The following CDKAL1 variants were observed in gnomAD, a reference collection of about 807,000 sequenced individuals.
The protein encoded by CDKAL1 is threonylcarbamoyladenosine tRNA methylthiotransferase.
CDKAL1 carries 32 observed loss-of-function variants against 68.2 expected under a neutral mutation model. The observed-to-expected ratio is 0.47, with a 90% CI of 0.35 to 0.63. The LOEUF (loss-of-function observed/expected upper bound fraction) is 0.63. Among genes scored for constraint, CDKAL1 ranks in the 30% least tolerant of loss-of-function variants. CDKAL1 has a pLI of 0.00. For missense variants in CDKAL1, 606 were observed against 696.7 expected, an observed-to-expected ratio of 0.87 and a Z score of 1.47; for synonymous variants, 234 against 244.3, an observed-to-expected ratio of 0.96 and a Z score of 0.39.
In CDKAL1 at chr6:20,785,388, T is replaced by C. The variant is rs576961084; in HGVS notation, c.638+4123T>C. Among the ~76,000 whole-genome samples the C allele has an allele frequency of 5.3e-4, 79 of 150,102 alleles. No homozygotes were observed. The Middle Eastern group carries it at 0.01, about 20-fold the overall frequency. ...TGGAGTGCAGTGGCACGATCTTGGC[T>C]CACTGCAACCTCCGCCTCCTGGGTT... On this transcript the variant is annotated intron_variant, in intron 8 of 15. Coordinates refer to ENST00000274695, the MANE Select transcript of CDKAL1 (RefSeq NM_017774.3).
At chr6:20,990,480 C>T (rs1766734928) in intron 10 of CDKAL1, among the ~76,000 whole-genome samples, 1 of 152,304 alleles carries the variant, frequency 6.6e-6, no homozygotes, top group East Asian at 1.9e-4. Context: ...TTGTCTCAAC[C>T]TGTTTTAGCA....
intron 11 of CDKAL1, among the ~76,000 whole-genome samples, chr6:21,001,096 C>G (rs1767403539): frequency 6.6e-6 from 1 of 152,228 alleles, no homozygotes; most frequent in South Asian, 2.1e-4. Flanking sequence ...ACAGAGCCTT[C>G]TCAAGTCTAC....
At chr6:21,055,925 T>C (rs1172975868) in intron 11 of CDKAL1, among the ~76,000 whole-genome samples, 1 of 152,220 alleles carries the variant, frequency 6.6e-6, no homozygotes, top group Non-Finnish European at 1.5e-5. Flanking sequence ...TTTCTGGTCC[T>C]AGGTCTTTGA....
intron 13 of CDKAL1, among the ~76,000 whole-genome samples, chr6:21,151,559 C>T (rs1188402187): frequency 6.6e-6 from 1 of 152,000 alleles, no homozygotes; most frequent in Admixed American, 6.6e-5. Context: ...AATATGAAAG[C>T]CAGAAAATGA....
At position 20,846,092 on chromosome 6, in the gene CDKAL1, C is replaced by T. The variant is rs1778365502; in HGVS notation, c.656C>T (p.Thr219Ile). ...SINTGCLNACTYCKTKHARGN... is the reference protein window; with the variant it reads ...SINTGCLNACIYCKTKHARGN... ...TTGAACAGGTGTCTCAATGCTTGTA[C>T]CTACTGCAAAACTAAACACGCCAGA... Residue 219 changes from threonine to isoleucine, a missense_variant, in exon 9 of 16, where the codon ACC (threonine) becomes ATC (isoleucine). Coordinates refer to ENST00000274695, the MANE Select transcript of CDKAL1 (RefSeq NM_017774.3). 2 of 1,611,766 alleles carry T rather than the reference C, an allele frequency of 1.2e-6. No homozygotes were observed. The highest frequency in any genetic ancestry group is 2.2e-5 in the South Asian group (2 of 90,920).
intron 15 of CDKAL1, among the ~76,000 whole-genome samples, chr6:21,209,539 G>A (rs1012088149): frequency 6.6e-6 from 1 of 152,178 alleles, no homozygotes; most frequent in South Asian, 2.1e-4. Flanking sequence ...TGGTAATACT[G>A]CTAATCAATT....
chr6:20,606,560 G>A (rs1278615441), intron 4 of CDKAL1, among the ~76,000 whole-genome samples: 3 of 152,174 alleles, frequency 2.0e-5, no homozygotes, highest in Non-Finnish European at 4.4e-5. Context: ...GGTGAGAAAA[G>A]TGAAGAATCA....
At chr6:20,709,388 G>A (rs1256250318) in intron 5 of CDKAL1, among the ~76,000 whole-genome samples, 1 of 151,928 alleles carries the variant, frequency 6.6e-6, no homozygotes, top group Non-Finnish European at 1.5e-5. Flanking sequence ...GAGCACCAAT[G>A]TGATGCTCAA....
In CDKAL1 at chr6:20,855,264, G is replaced by A. The variant is rs544240498; in HGVS notation, c.742+9086G>A. On this transcript the variant is annotated intron_variant, in intron 9 of 15. Transcript: ENST00000274695. ...TCTAAACCAGCCTCACCAACATGGC[G>A]AAAACCCATCTCTACTAAAAATATA... 3.0e-4 allele frequency among the ~76,000 whole-genome samples: 46 copies of A among 151,822 alleles called. 1 individual carries two copies. In the South Asian group the frequency reaches 8.5e-3, roughly 28 times the overall value.
chr6:21,123,830 A>G (rs1316976515), intron 13 of CDKAL1, among the ~76,000 whole-genome samples: 1 of 152,232 alleles, frequency 6.6e-6, no homozygotes, highest in Non-Finnish European at 1.5e-5. Flanking sequence ...CAAACCTATT[A>G]TCTCCTTCTG....
intron 9 of CDKAL1, among the ~76,000 whole-genome samples, chr6:20,954,341 CTTCTG>C (rs1355664490): frequency 2.0e-5 from 3 of 152,110 alleles, no homozygotes; most frequent in East Asian, 1.9e-4. Context: ...TTTTGAAACT[CTTCTG>C]TTCTGTCAAC....
intron 9 of CDKAL1, among the ~76,000 whole-genome samples, chr6:20,952,021 C>G (rs1366421709): frequency 6.9e-6 from 1 of 145,478 alleles, no homozygotes; most frequent in African/African-American, 2.6e-5. Flanking sequence ...TGCAGTGGCA[C>G]GATCTCGGCT....
intron 13 of CDKAL1, among the ~76,000 whole-genome samples, chr6:21,122,623 TA>T (rs1554184273): frequency 8.7e-4 from 32 of 36,964 alleles, no homozygotes; most frequent in East Asian, 5.3e-3. Context: ...TACTGTATTT[TA>T]TTTATTTATT....
intron 9 of CDKAL1, among the ~76,000 whole-genome samples, chr6:20,893,236 A>T (rs1002458209): frequency 3.3e-5 from 5 of 152,188 alleles, no homozygotes; most frequent in African/African-American, 7.2e-5. Context: ...AGTCAGTTAG[A>T]TAATCATGAT....
chr6:20,952,868 T>G (rs906146806), intron 9 of CDKAL1, among the ~76,000 whole-genome samples: 1 of 152,220 alleles, frequency 6.6e-6, no homozygotes, highest in Non-Finnish European at 1.5e-5. Flanking sequence ...TTAGCGTCAC[T>G]TTTAGTATGT....
At chr6:21,132,517 A>G (rs1270402398) in intron 13 of CDKAL1, among the ~76,000 whole-genome samples, 1 of 149,560 alleles carries the variant, frequency 6.7e-6, no homozygotes, top group Non-Finnish European at 1.5e-5. Flanking sequence ...ATATGTAGTC[A>G]TTCCTTTTTT....
intron 8 of CDKAL1, among the ~76,000 whole-genome samples, chr6:20,815,007 G>GT (rs537449900): frequency 1.1e-3 from 164 of 152,272 alleles, no homozygotes; most frequent in Non-Finnish European, 2.0e-3. Context: ...CATCTTGTCT[G>GT]TTTTCCTCCT....
chr6:20,708,779 C>G (rs927389712), intron 5 of CDKAL1, among the ~76,000 whole-genome samples: 4 of 152,042 alleles, frequency 2.6e-5, no homozygotes, highest in South Asian at 2.1e-4. Context: ...CTGTATCTTT[C>G]CCTTTGACTT....
At chr6:20,907,715 T>A (rs553127220) in intron 9 of CDKAL1, among the ~76,000 whole-genome samples, 1 of 151,348 alleles carries the variant, frequency 6.6e-6, no homozygotes, top group Non-Finnish European at 1.5e-5. Flanking sequence ...CAATGGGGAG[T>A]TGGGGCATCA....
Sources: allele counts gnomAD v4.1 joint callset (sites outside exome capture counted in the v4.1 genomes callset), GRCh38; gene constraint gnomAD v4.1.1; transcripts MANE v1.5; gene names NCBI Gene and HGNC (gene_info 2026-07-23, HGNC 2026-07-21).